The following UNC5D variants were observed in gnomAD, a reference collection of about 807,000 sequenced individuals.
The protein encoded by UNC5D is unc-5 netrin receptor D.
A neutral mutation model predicts 105.4 loss-of-function variants in UNC5D; 39 were observed. That is an observed-to-expected ratio of 0.37 (90% CI 0.29 to 0.48). The LOEUF is 0.48. UNC5D is among the 20% of genes least tolerant of loss of function. The probability of loss-of-function intolerance (pLI) is 0.98; values close to 1 mark genes in which losing one functional copy is unlikely to be tolerated. For synonymous variants in UNC5D, 452 were observed against 450.4 expected (o/e 1.00, Z -0.04); for missense variants, 991 against 1,202.4 (o/e 0.82, Z 2.60).
At chr8:35,523,672 G>T in intron 1 of UNC5D, among the ~76,000 whole-genome samples, 1 of 131,110 alleles carries the variant, frequency 7.6e-6, no homozygotes. Context: ...TTGAAGGCAG[G>T]GCTTGAATTA....
At chr8:35,649,842 A>G (rs1177469987) in intron 4 of UNC5D, among the ~76,000 whole-genome samples, 1 of 152,208 alleles carries the variant, frequency 6.6e-6, no homozygotes, top group Non-Finnish European at 1.5e-5. Flanking sequence ...GGAAATACTT[A>G]GAAACAGACA....
intron 4 of UNC5D, among the ~76,000 whole-genome samples, chr8:35,627,757 T>C (rs1470617444): frequency 2.0e-5 from 3 of 152,068 alleles, no homozygotes; most frequent in African/African-American, 7.2e-5. Flanking sequence ...ATTAGACCCC[T>C]GTCTCTCCAA....
chr8:35,299,791 G>A (rs1235324025), intron 1 of UNC5D, among the ~76,000 whole-genome samples: 1 of 152,090 alleles, frequency 6.6e-6, no homozygotes, highest in African/African-American at 2.4e-5. Context: ...CTAAGAGAAT[G>A]GTTGAATAAA....
intron 2 of UNC5D, among the ~76,000 whole-genome samples, chr8:35,556,506 A>G (rs1218910860): frequency 6.6e-6 from 1 of 152,152 alleles, no homozygotes; most frequent in Non-Finnish European, 1.5e-5. Flanking sequence ...AGTGCAAAGT[A>G]AAAGCAAGTT....
intron 4 of UNC5D, among the ~76,000 whole-genome samples, chr8:35,606,685 A>G (rs1254767447): frequency 6.6e-6 from 1 of 152,188 alleles, no homozygotes; most frequent in African/African-American, 2.4e-5. Flanking sequence ...TGAAGACATA[A>G]ATTTAAAAAA....
At chr8:35,413,296 G>GTGTGTGT (rs1805316272) in intron 1 of UNC5D, among the ~76,000 whole-genome samples, 3 of 144,856 alleles carry the variant, frequency 2.1e-5, no homozygotes, top group South Asian at 4.4e-4. Flanking sequence ...TGTGTGTTGT[G>GTGTGTGT]TGTGTGTGTG....
intron 13 of UNC5D, among the ~76,000 whole-genome samples, chr8:35,756,690 G>A (rs1830536072): frequency 6.6e-6 from 1 of 152,154 alleles, no homozygotes; most frequent in Non-Finnish European, 1.5e-5. Context: ...CGTGGCTTTA[G>A]GCAAATAACT....
chr8:35,672,439 C>G (rs1401683430), intron 4 of UNC5D, among the ~76,000 whole-genome samples: 1 of 152,168 alleles, frequency 6.6e-6, no homozygotes, highest in Non-Finnish European at 1.5e-5. Context: ...AAGGGCACAT[C>G]ACACTATGTT....
At chr8:35,649,487 G>A (rs76833048) in intron 4 of UNC5D, among the ~76,000 whole-genome samples, 2,126 of 152,286 alleles carry the variant, frequency 0.014, 52 homozygotes, top group African/African-American at 0.048. Flanking sequence ...TGACCTTCAT[G>A]TAGAAGTCTG....
intron 16 of UNC5D, among the ~76,000 whole-genome samples, chr8:35,785,166 C>T (rs1802686673): frequency 6.6e-6 from 1 of 151,868 alleles, no homozygotes; most frequent in Non-Finnish European, 1.5e-5. Context: ...TGTGCATTTA[C>T]CTGCCGGTGC....
At chr8:35,476,224 CAA>C (rs1344668857) in intron 1 of UNC5D, among the ~76,000 whole-genome samples, 1 of 152,060 alleles carries the variant, frequency 6.6e-6, no homozygotes, top group Non-Finnish European at 1.5e-5. Flanking sequence ...CTACTGCAAA[CAA>C]AAGTCTGGGA....
At chr8:35,626,790 A>G (rs1169461711) in intron 4 of UNC5D, among the ~76,000 whole-genome samples, 2 of 152,164 alleles carry the variant, frequency 1.3e-5, no homozygotes, top group Non-Finnish European at 2.9e-5. Context: ...ACAAACATAC[A>G]TATACATGTA....
At chr8:35,444,429 G>A (rs1476409879) in intron 1 of UNC5D, among the ~76,000 whole-genome samples, 2 of 151,950 alleles carry the variant, frequency 1.3e-5, no homozygotes, top group Non-Finnish European at 2.9e-5. Context: ...TTATGGAAGG[G>A]CCTGATTAAT....
chr8:35,327,133 G>A lies in UNC5D; in HGVS notation c.103+91246G>A, dbSNP rs1585591998. On this transcript the variant is annotated intron_variant, in intron 1 of 16. Coordinates refer to ENST00000404895, the MANE Select transcript of UNC5D (RefSeq NM_080872.4). Reference sequence around the variant, plus strand: ...TGCCTTGGCGGAAAGATGAACAGCAGGAATCTCCTGTTAAAATTAGATGCC... The same window carrying A: ...TGCCTTGGCGGAAAGATGAACAGCAAGAATCTCCTGTTAAAATTAGATGCC... Among the ~76,000 whole-genome samples the A allele has an allele frequency of 2.6e-5, 4 of 152,240 alleles. 1 individual carries two copies. The highest frequency in any genetic ancestry group is 2.6e-4 in the Admixed American group (4 of 15,288).
chr8:35,610,295 C>A (rs1454132944), intron 4 of UNC5D, among the ~76,000 whole-genome samples: 3 of 152,096 alleles, frequency 2.0e-5, no homozygotes, highest in Admixed American at 6.5e-5. Context: ...TTGGACCAAG[C>A]CTTCTTGAAG....
chr8:35,623,168 G>T lies in UNC5D; in HGVS notation c.570+27511G>T, dbSNP rs1327027653. On this transcript the variant is annotated intron_variant, in intron 4 of 16. Coordinates refer to ENST00000404895, the MANE Select transcript of UNC5D (RefSeq NM_080872.4). ...GGATGGTAATTTCTTCTCCCTGTCCGATCTGATAGCCATCCTTGAGTTCTC... is the reference window on the plus strand; with the variant it reads ...GGATGGTAATTTCTTCTCCCTGTCCTATCTGATAGCCATCCTTGAGTTCTC... Among the ~76,000 whole-genome samples the T allele has an allele frequency of 2.6e-5, 4 of 151,992 alleles. No individual in the cohort carries two copies. The South Asian group carries it at 6.2e-4, about 24-fold the overall frequency.
rs370001860 is a variant in UNC5D, at chr8:35,304,437, G to A, written c.103+68550G>A. 3.0e-4 allele frequency among the ~76,000 whole-genome samples: 46 copies of A among 152,192 alleles called. No homozygotes were observed. In the Middle Eastern group the frequency reaches 0.014, roughly 45 times the overall value. On this transcript the variant is annotated intron_variant, in intron 1 of 16. Coordinates refer to ENST00000404895, the MANE Select transcript of UNC5D (RefSeq NM_080872.4). ...AGGAAAAGAGGAAAAAAAATTGAATGACATGCCAGCAATTTTAGTTAATTT... is the reference window on the plus strand; with the variant it reads ...AGGAAAAGAGGAAAAAAAATTGAATAACATGCCAGCAATTTTAGTTAATTT...
chr8:35,549,954 T>A (rs1014315475), intron 2 of UNC5D, among the ~76,000 whole-genome samples: 1 of 144,698 alleles, frequency 6.9e-6, no homozygotes, highest in African/African-American at 2.5e-5. Flanking sequence ...TCTGAGTCCT[T>A]TTTTTTTTTT....
intron 4 of UNC5D, among the ~76,000 whole-genome samples, chr8:35,645,623 C>G (rs960053312): frequency 1.1e-4 from 17 of 151,308 alleles, no homozygotes; most frequent in African/African-American, 4.1e-4. Context: ...AAGTGTTTTT[C>G]CTGGGTGGAA....
Sources: gnomAD v4.1 joint callset for allele counts (sites outside exome capture counted in the v4.1 genomes callset) on GRCh38, gnomAD v4.1.1 for gene constraint, MANE v1.5 for transcripts, NCBI Gene and HGNC (gene_info 2026-07-23, HGNC 2026-07-21) for gene names.